CDKAL1: variants seen among roughly 807,000 people sequenced by gnomAD.
The protein encoded by CDKAL1 is CDKAL1 threonylcarbamoyladenosine tRNA methylthiotransferase.
Under a neutral mutation model 68.2 loss-of-function variants are expected in CDKAL1, and 32 were observed. The observed-to-expected ratio is 0.47, with a 90% CI of 0.35 to 0.63. CDKAL1 has a LOEUF of 0.63. Among genes scored for constraint, CDKAL1 ranks in the 30% least tolerant of loss-of-function variants. CDKAL1 has a pLI of 0.00. For synonymous variants in CDKAL1, 234 were observed against 244.3 expected (o/e 0.96, Z 0.39); for missense variants, 606 against 696.7 (o/e 0.87, Z 1.47).
At chr6:21,071,102 T>C (rs1245604294) in intron 12 of CDKAL1, among the ~76,000 whole-genome samples, 1 of 152,242 alleles carries the variant, frequency 6.6e-6, no homozygotes, top group East Asian at 1.9e-4. Flanking sequence ...TTTTCATAGA[T>C]TTCCATGTTC....
chr6:21,155,564 C>G lies in CDKAL1; in HGVS notation c.1300-42457C>G, dbSNP rs115747451. 8.5e-3 allele frequency among the ~76,000 whole-genome samples: 1,292 copies of G among 152,286 alleles called. 20 individuals carry two copies. Among genetic ancestry groups the G allele is most frequent in the African/African-American group, 0.029 (1,224 of 41,546 alleles). On this transcript the variant is annotated intron_variant, in intron 13 of 15. Transcript: ENST00000274695. ...ACTTAGTACATTTTCTGTCTTGAGA[C>G]GGTGAAAGCTCTTTAAGAGCAGGCA...
At chr6:21,168,547 C>T (rs925087647) in intron 13 of CDKAL1, among the ~76,000 whole-genome samples, 4 of 152,138 alleles carry the variant, frequency 2.6e-5, no homozygotes, top group African/African-American at 9.7e-5. Flanking sequence ...GGACTCAAAG[C>T]TATTGTCTTA....
intron 4 of CDKAL1, among the ~76,000 whole-genome samples, chr6:20,645,768 A>T (rs927161539): frequency 5.7e-4 from 85 of 148,928 alleles, no homozygotes; most frequent in African/African-American, 1.9e-3. Context: ...ATAAATAAAT[A>T]ATTTTATTTT....
At chr6:21,161,096 T>G (rs933075440) in intron 13 of CDKAL1, among the ~76,000 whole-genome samples, 2 of 152,128 alleles carry the variant, frequency 1.3e-5, no homozygotes, top group African/African-American at 4.8e-5. Context: ...ACCACCCTGT[T>G]GCTGGTGACA....
At chr6:20,794,613 C>T (rs557209601) in intron 8 of CDKAL1, among the ~76,000 whole-genome samples, 1 of 152,080 alleles carries the variant, frequency 6.6e-6, no homozygotes, top group Non-Finnish European at 1.5e-5. Context: ...ATCTTTTTGG[C>T]AGATTCACAT....
chr6:20,935,019 CTGAG>C (rs2150682385), intron 9 of CDKAL1, among the ~76,000 whole-genome samples: 1 of 151,798 alleles, frequency 6.6e-6, no homozygotes, highest in South Asian at 2.1e-4. Context: ...CCTCAGCCTC[CTGAG>C]TATCTGGGAC....
At chr6:21,190,564 A>C (rs1778194108) in intron 13 of CDKAL1, among the ~76,000 whole-genome samples, 1 of 152,112 alleles carries the variant, frequency 6.6e-6, no homozygotes, top group Non-Finnish European at 1.5e-5. Context: ...ATGGAGTTTC[A>C]TCATGTTGGC....
Position 20,590,439 on chromosome 6 carries a change from C to T in CDKAL1, c.286+41734C>T, listed in dbSNP as rs186016042. ...TCAAAACATAGGTATACACGTGCCACGGTGGTTTGCTGCACCCATCAACCC... is the reference window on the plus strand; with the variant it reads ...TCAAAACATAGGTATACACGTGCCATGGTGGTTTGCTGCACCCATCAACCC... On this transcript the variant is annotated intron_variant, in intron 4 of 15. Transcript: ENST00000274695. 4.2e-3 allele frequency among the ~76,000 whole-genome samples: 635 copies of T among 152,118 alleles called. 2 individuals carry two copies. Among genetic ancestry groups the T allele is most frequent in the African/African-American group, 0.014 (561 of 41,470 alleles).
chr6:20,693,875 CTT>C (rs751860824), intron 5 of CDKAL1, among the ~76,000 whole-genome samples: 32 of 142,786 alleles, frequency 2.2e-4, no homozygotes, highest in Non-Finnish European at 2.5e-4. Flanking sequence ...TTGCCAGCTA[CTT>C]TTTTTTTTTT....
At position 20,756,854 on chromosome 6, in the gene CDKAL1, C is replaced by CTCTT. The variant is rs1561749993; in HGVS notation, c.469-1741_469-1740insTCTT. On this transcript the variant is annotated intron_variant, in intron 6 of 15. Transcript: ENST00000274695. ...TTCCTTCCTTTCTTCCTTCCTTCTC[C>CTCTT]CCTTCCTTCCTTCCTTCCTTCCTTC... The CTCTT allele has an allele frequency of 2.7e-4, 14 of 51,680 alleles. 1 individual carries two copies. Among genetic ancestry groups the CTCTT allele is most frequent in the Non-Finnish European group, 5.0e-4 (14 of 27,778 alleles). The allele number at this position is 51,680 out of a possible 1,614,324, so 3.2% of individuals were successfully genotyped here. A position where few individuals can be genotyped will look rare whatever the true frequency, so the allele number is the denominator to read the frequency against.
chr6:21,053,045 A>G (rs1392571947), intron 11 of CDKAL1, among the ~76,000 whole-genome samples: 1 of 152,168 alleles, frequency 6.6e-6, no homozygotes, highest in Non-Finnish European at 1.5e-5. Context: ...TTTTTAGCAA[A>G]TTAATGCAGT....
chr6:20,664,434 G>C (rs1422461416), intron 5 of CDKAL1, among the ~76,000 whole-genome samples: 3 of 152,098 alleles, frequency 2.0e-5, no homozygotes, highest in African/African-American at 4.8e-5. Context: ...CATTACAAGA[G>C]GAATCAGATA....
At chr6:20,586,162 C>G (rs1765346244) in intron 4 of CDKAL1, among the ~76,000 whole-genome samples, 1 of 152,216 alleles carries the variant, frequency 6.6e-6, no homozygotes, top group Admixed American at 6.5e-5. Context: ...TAGGCTACCA[C>G]TGTGGTCTAA....
chr6:21,124,036 G>C (rs1029144419), intron 13 of CDKAL1, among the ~76,000 whole-genome samples: 3 of 152,180 alleles, frequency 2.0e-5, no homozygotes, highest in African/African-American at 7.2e-5. Flanking sequence ...TCTCACTTCA[G>C]TTGTAACATG....
intron 10 of CDKAL1, among the ~76,000 whole-genome samples, chr6:20,958,232 G>C (rs1465491673): frequency 6.6e-6 from 1 of 152,292 alleles, no homozygotes; most frequent in Non-Finnish European, 1.5e-5. Flanking sequence ...AGGAAACAAA[G>C]ATATGCAAGA....
At chr6:20,598,336 A>G (rs1765930297) in intron 4 of CDKAL1, among the ~76,000 whole-genome samples, 2 of 152,206 alleles carry the variant, frequency 1.3e-5, no homozygotes, top group African/African-American at 4.8e-5. Context: ...TACTTTTGTT[A>G]ATATTACATA....
At chr6:20,788,441 G>A (rs1775763890) in intron 8 of CDKAL1, among the ~76,000 whole-genome samples, 1 of 152,168 alleles carries the variant, frequency 6.6e-6, no homozygotes, top group African/African-American at 2.4e-5. Flanking sequence ...ATGGGTGGCA[G>A]GAACCTTAAT....
intron 9 of CDKAL1, among the ~76,000 whole-genome samples, chr6:20,909,586 C>T (rs56080233): frequency 0.23 from 35,530 of 151,858 alleles, 4,336 homozygotes; most frequent in African/African-American, 0.28. Flanking sequence ...TGGTTTTTGC[C>T]TTGGTTTTGC....
chr6:20,831,521 G>A (rs369269790), intron 8 of CDKAL1, among the ~76,000 whole-genome samples: 16 of 152,150 alleles, frequency 1.1e-4, no homozygotes, highest in African/African-American at 3.9e-4. Flanking sequence ...CTTCTCAGAT[G>A]TAGTGGTTTC....
Sources: gnomAD v4.1 joint callset for allele counts (sites outside exome capture counted in the v4.1 genomes callset) on GRCh38, gnomAD v4.1.1 for gene constraint, MANE v1.5 for transcripts, NCBI Gene and HGNC (gene_info 2026-07-23, HGNC 2026-07-21) for gene names.